Variants in XNDC1N observed in about 807,000 individuals in gnomAD.
XNDC1N encodes XRCC1 N-terminal domain containing 1, N-terminal like, also known as protein XNDC1N.
At chr11:71,903,761 T>C in the XNDC1N span, 2 of 363,908 alleles carry the variant, frequency 5.5e-6, no homozygotes, top group Non-Finnish European at 1.1e-5. Flanking sequence ...GGGAACCTTC[T>C]GTGACACCTT....
the XNDC1N span, among the ~76,000 whole-genome samples, chr11:71,910,231 A>G: frequency 6.6e-5 from 10 of 152,322 alleles, no homozygotes; most frequent in South Asian, 2.1e-4. Context: ...TTGCTTCATC[A>G]AGCTAAACTG....
the XNDC1N span, among the ~76,000 whole-genome samples, chr11:71,870,730 A>G: frequency 6.6e-6 from 1 of 152,220 alleles, no homozygotes; most frequent in Admixed American, 6.5e-5. Context: ...TGGGAGGTGA[A>G]TAGACATTTC....
At chr11:71,917,370 C>T in the XNDC1N span, 68 of 610,216 alleles carry the variant, frequency 1.1e-4, 1 homozygote, top group Admixed American at 1.4e-4. Context: ...CCTACCGAAC[C>T]ACAAGTTATA....
chr11:71,918,972 A>G, the XNDC1N span: 1 of 703,000 alleles, frequency 1.4e-6, no homozygotes, highest in Non-Finnish European at 2.6e-6. Context: ...CAGCCGAGCC[A>G]AGGTCTCCTT....
the XNDC1N span, among the ~76,000 whole-genome samples, chr11:71,882,441 G>C: frequency 3.3e-5 from 5 of 152,088 alleles, no homozygotes; most frequent in African/African-American, 1.2e-4. Flanking sequence ...AGTTTGGCCA[G>C]GCTGGTCTTG....
the XNDC1N span, chr11:71,917,281 T>C: frequency 1.5e-6 from 1 of 677,802 alleles, no homozygotes; most frequent in Admixed American, 2.1e-5. Context: ...CCCAAAGTGC[T>C]GGGATTACAG....
the XNDC1N span, chr11:71,884,301 C>G: frequency 2.3e-6 from 3 of 1,283,282 alleles, no homozygotes. Context: ...TTTTGTTTTT[C>G]TGGGAAAGTT....
chr11:71,878,575 T>C, the XNDC1N span: 3 of 1,539,846 alleles, frequency 1.9e-6, no homozygotes, highest in African/African-American at 2.8e-5. Flanking sequence ...GCAAGGTCTT[T>C]CAAGAGTCTG....
chr11:71,917,861 C>T, the XNDC1N span: 1 of 650,838 alleles, frequency 1.5e-6, no homozygotes. Context: ...CACTCCTCTA[C>T]TTTACAGCTA....
At chr11:71,881,451 G>A in the XNDC1N span, among the ~76,000 whole-genome samples, 3 of 152,214 alleles carry the variant, frequency 2.0e-5, no homozygotes, top group South Asian at 2.1e-4. Context: ...AGATCAAGAC[G>A]TCAGCACATT....
chr11:71,895,188 GAGTA>G, the XNDC1N span, among the ~76,000 whole-genome samples: 51 of 152,094 alleles, frequency 3.4e-4, no homozygotes, highest in Non-Finnish European at 6.6e-4. Context: ...AAGCTCCAAA[GAGTA>G]AGAGCAGAAA....
the XNDC1N span, among the ~76,000 whole-genome samples, chr11:71,900,302 TG>T: frequency 6.6e-6 from 1 of 152,206 alleles, no homozygotes; most frequent in African/African-American, 2.4e-5. Flanking sequence ...ACTTTGTCTC[TG>T]TGTATTATTT....
At chr11:71,910,568 G>A in the XNDC1N span, among the ~76,000 whole-genome samples, 3 of 152,170 alleles carry the variant, frequency 2.0e-5, no homozygotes, top group East Asian at 1.9e-4. Flanking sequence ...GACACCCCAC[G>A]GCATTCGGGT....
chr11:71,888,139 T>A, the XNDC1N span, among the ~76,000 whole-genome samples: 2 of 152,092 alleles, frequency 1.3e-5, no homozygotes, highest in Non-Finnish European at 2.9e-5. Context: ...AGGGAACAGA[T>A]GCCCTACACC....
the XNDC1N span, among the ~76,000 whole-genome samples, chr11:71,876,456 G>C: frequency 6.6e-6 from 1 of 152,136 alleles, no homozygotes; most frequent in African/African-American, 2.4e-5. Context: ...ACCTTCCTCT[G>C]ACCCTTCTTT....
chr11:71,916,125 T>A, the XNDC1N span: 1 of 702,862 alleles, frequency 1.4e-6, no homozygotes, highest in Admixed American at 2.0e-5. Flanking sequence ...CAGAGTCATC[T>A]AAGGAGTCCA....
At chr11:71,911,871 C>T in the XNDC1N span, among the ~76,000 whole-genome samples, 1 of 152,212 alleles carries the variant, frequency 6.6e-6, no homozygotes, top group African/African-American at 2.4e-5. Context: ...CATCTGCCCC[C>T]TTCTGGGCAT....
At chr11:71,866,556 G>A in the XNDC1N span, among the ~76,000 whole-genome samples, 3 of 152,132 alleles carry the variant, frequency 2.0e-5, no homozygotes, top group Admixed American at 2.0e-4. Context: ...CCGAGGTCAG[G>A]AGTTCAAGAC....
At chr11:71,887,133 C>G in the XNDC1N span, among the ~76,000 whole-genome samples, 1 of 152,146 alleles carries the variant, frequency 6.6e-6, no homozygotes, top group African/African-American at 2.4e-5. Context: ...CAATGACAGT[C>G]GGGGGTGGAG....
Sources: allele counts gnomAD v4.1 joint callset (sites outside exome capture counted in the v4.1 genomes callset), GRCh38; gene constraint gnomAD v4.1.1; transcripts MANE v1.5; gene names NCBI Gene and HGNC (gene_info 2026-07-23, HGNC 2026-07-21).